Variants in IL18RAP observed in about 807,000 individuals in gnomAD.
The protein encoded by IL18RAP is interleukin-18 receptor accessory protein.
Under a neutral mutation model 58.1 loss-of-function variants are expected in IL18RAP, and 37 were observed. The ratio of observed to expected loss-of-function variants is 0.64; its 90% confidence interval spans 0.49 to 0.84. IL18RAP has a LOEUF of 0.84. Ranked by LOEUF, IL18RAP falls within the 40% of genes least tolerant of loss-of-function variation. The pLI is 0.00. For missense variants in IL18RAP, 667 were observed against 704.8 expected, an observed-to-expected ratio of 0.95 and a Z score of 0.61; for synonymous variants, 268 against 257.5, an observed-to-expected ratio of 1.04 and a Z score of -0.39.
upstream of IL18RAP, among the ~76,000 whole-genome samples, chr2:102,419,233 A>G (rs761582919): frequency 6.6e-6 from 1 of 152,236 alleles, no homozygotes; most frequent in African/African-American, 2.4e-5. Context: ...TTGAATGCCC[A>G]TTTAAACTTA....
intron 4 of IL18RAP, chr2:102,438,984 A>C (rs1682930501): frequency 6.6e-6 from 1 of 152,266 alleles, no homozygotes; most frequent in Non-Finnish European, 1.5e-5. Context: ...CAGCTCAGTA[A>C]GGGTGGGGAG....
upstream of IL18RAP, among the ~76,000 whole-genome samples, chr2:102,421,430 T>A (rs1399872613): frequency 6.6e-6 from 1 of 152,178 alleles, no homozygotes; most frequent in Non-Finnish European, 1.5e-5. Context: ...GGTGACGTTT[T>A]GGGCATGGAA....
chr2:102,430,645 C>CT (rs1297552562), intron 3 of IL18RAP, among the ~76,000 whole-genome samples: 2 of 152,076 alleles, frequency 1.3e-5, no homozygotes, highest in Non-Finnish European at 2.9e-5. Flanking sequence ...CTGTTAGTAT[C>CT]TTCCTTTGTG....
At chr2:102,437,178 C>T (rs1229428658) in intron 3 of IL18RAP, 34 bp from the exon 4 acceptor site, 2 of 1,573,224 alleles carry the variant, frequency 1.3e-6, no homozygotes, top group Non-Finnish European at 1.7e-6. Flanking sequence ...TTTTCTGTGG[C>T]AAATTTATCT....
chr2:102,423,740 T>C (rs1681732971), intron 1 of IL18RAP, 71 bp from the exon 2 acceptor site: 10 of 1,035,462 alleles, frequency 9.7e-6, no homozygotes, highest in Non-Finnish European at 1.3e-5. Context: ...AATCAAGTAC[T>C]AGATGTAAAT....
In IL18RAP at chr2:102,447,060, G is replaced by A. The variant is rs11465723; in HGVS notation, c.1073-10G>A. ...CTCTATGTCTCTTCATACTGGCCCT[G>A]TCTCCACAGTGGTGCTCCTGTACAT... On this transcript the variant is annotated splice_polypyrimidine_tract_variant and intron_variant, in intron 7 of 9. Coordinates refer to ENST00000687160, the MANE Select transcript of IL18RAP (RefSeq NM_001393487.1). 0.13 allele frequency: 209,209 copies of A among 1,612,566 alleles called. 14,977 individuals carry two copies. The highest frequency in any genetic ancestry group is 0.14 in the Non-Finnish European group (167,827 of 1,179,306).
intron 4 of IL18RAP, among the ~76,000 whole-genome samples, chr2:102,440,951 A>G (rs926455525): frequency 1.3e-5 from 2 of 152,170 alleles, no homozygotes; most frequent in African/African-American, 4.8e-5. Context: ...TCTTGGGTGG[A>G]TTCTCCTTTC....
In IL18RAP at chr2:102,452,451, A is replaced by G; in HGVS notation, c.*270A>G. 1 of 394,702 alleles carries G rather than the reference A, an allele frequency of 2.5e-6. No homozygotes were observed. The highest frequency in any genetic ancestry group is 3.8e-5 in the East Asian group (1 of 26,202). The allele number at this position is 394,702 out of a possible 1,614,324, so 24.4% of individuals were successfully genotyped here. A position where few individuals can be genotyped will look rare whatever the true frequency, so the allele number is the denominator to read the frequency against. On this transcript the variant is annotated 3_prime_UTR_variant, in exon 10 of 10. Coordinates refer to ENST00000687160, the MANE Select transcript of IL18RAP (RefSeq NM_001393487.1). ...TAAGATTTCCCAGTGGTCCGAGCAG[A>G]ATCAGAAAATACAGCTACTTCTGCC... is the stretch of plus-strand genomic sequence containing the variant.
intron 5 of IL18RAP, among the ~76,000 whole-genome samples, chr2:102,441,872 A>T (rs1333950321): frequency 6.8e-6 from 1 of 146,154 alleles, no homozygotes; most frequent in East Asian, 1.9e-4. Flanking sequence ...TGGGTGGCAG[A>T]GCAAGATTCC....
At chr2:102,443,615 G>A (rs185697727) in intron 6 of IL18RAP, among the ~76,000 whole-genome samples, 1 of 152,180 alleles carries the variant, frequency 6.6e-6, no homozygotes, top group Non-Finnish European at 1.5e-5. Context: ...AGAAATGGGA[G>A]GAAATGCTGC....
At chr2:102,436,819 G>GTGTGTA (rs1553404995) in intron 3 of IL18RAP, among the ~76,000 whole-genome samples, 2 of 149,986 alleles carry the variant, frequency 1.3e-5, no homozygotes, top group African/African-American at 4.9e-5. Context: ...GTGTGTGTGT[G>GTGTGTA]TATATATATA....
chr2:102,443,673 G>T (rs1330899395), intron 6 of IL18RAP, among the ~76,000 whole-genome samples: 2 of 152,076 alleles, frequency 1.3e-5, no homozygotes, highest in Non-Finnish European at 2.9e-5. Flanking sequence ...AGAGAGTGTG[G>T]GGGTACAGGG....
At chr2:102,432,642 C>T (rs1010856503) in intron 3 of IL18RAP, among the ~76,000 whole-genome samples, 1 of 152,112 alleles carries the variant, frequency 6.6e-6, no homozygotes, top group Non-Finnish European at 1.5e-5. Flanking sequence ...GGCATTGAGG[C>T]TTGATTGGGT....
chr2:102,424,385 G>A lies in IL18RAP; in HGVS notation c.550G>A (p.Ala184Thr). The A allele has an allele frequency of 6.2e-7, 1 of 1,613,980 alleles. No individual in the cohort carries two copies. Among genetic ancestry groups the A allele is most frequent in the Non-Finnish European group, 8.5e-7 (1 of 1,179,910 alleles). The change falls in exon 3 of 10, where the codon GCA (alanine) becomes ACA (threonine). Residue 184 changes from alanine to threonine, a missense_variant. Physicochemically the swap from Ala to Thr is moderately conservative, Grantham distance 58 (BLOSUM62 0). Transcript: ENST00000687160. ...CCCCAGTCTCAGCTGCCAAAGTGATGCACAAAGTCCAGCGGTAACCTGGTA... is the reference window on the plus strand; with the variant it reads ...CCCCAGTCTCAGCTGCCAAAGTGATACACAAAGTCCAGCGGTAACCTGGTA... ...SCPSLSCQSD[A>T]QSPAVTWYKN...
intron 3 of IL18RAP, among the ~76,000 whole-genome samples, chr2:102,431,527 C>A (rs1682358589): frequency 6.6e-6 from 1 of 152,000 alleles, no homozygotes; most frequent in African/African-American, 2.4e-5. Flanking sequence ...TTTTTTCTTC[C>A]ATCTTCCAAA....
intron 4 of IL18RAP, among the ~76,000 whole-genome samples, chr2:102,438,533 C>T (rs956884792): frequency 6.6e-6 from 1 of 152,168 alleles, no homozygotes; most frequent in Admixed American, 6.5e-5. Context: ...CCCACTCGCA[C>T]CACTTTTCCC....
chr2:102,443,344 T>G (rs1206845470), intron 6 of IL18RAP, 21 bp downstream of exon 6: 1 of 1,609,290 alleles, frequency 6.2e-7, no homozygotes. Context: ...AACTCACGGA[T>G]TCTGTTCTCT....
Position 102,426,911 on chromosome 2 carries a change from T to C in IL18RAP, c.579+2497T>C, listed in dbSNP as rs909230947. ...GACCAGTATCTCCCCATTCACCCTC[T>C]TCTCCCCACCAATCAAGCCTCCATA... On this transcript the variant is annotated intron_variant, in intron 3 of 9. Transcript: ENST00000687160. Among the ~76,000 whole-genome samples the C allele has an allele frequency of 7.2e-5, 11 of 152,106 alleles. 1 individual carries two copies. Among genetic ancestry groups the C allele is most frequent in the African/African-American group, 2.7e-4 (11 of 41,440 alleles).
chr2:102,444,127 A>G (rs1208804629), intron 6 of IL18RAP, among the ~76,000 whole-genome samples: 1 of 152,248 alleles, frequency 6.6e-6, no homozygotes, highest in African/African-American at 2.4e-5. Context: ...TTCTTCTGAT[A>G]CTTAACAGAT....
Sources: gnomAD v4.1 joint callset for allele counts (sites outside exome capture counted in the v4.1 genomes callset) on GRCh38, gnomAD v4.1.1 for gene constraint, MANE v1.5 for transcripts, NCBI Gene and HGNC (gene_info 2026-07-23, HGNC 2026-07-21) for gene names.